The following PTPRD variants were observed in gnomAD, a reference collection of about 807,000 sequenced individuals.
PTPRD encodes the protein protein tyrosine phosphatase receptor type D, also known as receptor-type tyrosine-protein phosphatase delta.
PTPRD carries 34 observed loss-of-function variants against 214.5 expected under a neutral mutation model. That is an observed-to-expected ratio of 0.16 (90% confidence interval 0.12 to 0.21). The LOEUF (loss-of-function observed/expected upper bound fraction) is 0.21. Ranked by LOEUF, PTPRD falls within the 10% of genes least tolerant of loss-of-function variation. The probability of loss-of-function intolerance (pLI) is 1.00; values close to 1 mark genes in which losing one functional copy is unlikely to be tolerated. For synonymous variants in PTPRD, 1,128 were observed against 845.7 expected, an observed-to-expected ratio of 1.33 and a Z score of -5.79; for missense variants, 2,545 against 2,398.7, an observed-to-expected ratio of 1.06 and a Z score of -1.27.
chr9:10,229,069 G>C (rs1246478035), intron 3 of PTPRD, among the ~76,000 whole-genome samples: 1 of 151,950 alleles, frequency 6.6e-6, no homozygotes, highest in Non-Finnish European at 1.5e-5. Flanking sequence ...TGTGATATAA[G>C]ACATTTATGC....
intron 7 of PTPRD, among the ~76,000 whole-genome samples, chr9:9,621,314 C>G (rs1419669624): frequency 6.6e-6 from 1 of 152,118 alleles, no homozygotes; most frequent in Non-Finnish European, 1.5e-5. Context: ...TCCCATTTTT[C>G]TCTTCCTGAA....
At chr9:8,478,885 T>G (rs965785863) in intron 30 of PTPRD, among the ~76,000 whole-genome samples, 2 of 152,204 alleles carry the variant, frequency 1.3e-5, no homozygotes, top group African/African-American at 4.8e-5. Context: ...GACCTCCTCA[T>G]TAACTTGGCC....
At chr9:9,950,767 A>AAAG (rs2093378982) in intron 4 of PTPRD, among the ~76,000 whole-genome samples, 1 of 144,938 alleles carries the variant, frequency 6.9e-6, no homozygotes, top group Non-Finnish European at 1.5e-5. Context: ...AAAAGAAGAA[A>AAAG]GTGGAAGATC....
chr9:10,567,965 A>T (rs1471026833), intron 2 of PTPRD, among the ~76,000 whole-genome samples: 1 of 148,942 alleles, frequency 6.7e-6, no homozygotes, highest in Admixed American at 6.7e-5. Flanking sequence ...GTTATTTTTT[A>T]AAATTTTATT....
At chr9:9,948,656 A>T (rs143124498) in intron 4 of PTPRD, among the ~76,000 whole-genome samples, 121 of 152,210 alleles carry the variant, frequency 7.9e-4, no homozygotes, top group African/African-American at 2.7e-3. Flanking sequence ...AGTATGCAAT[A>T]CTTAGCCAAA....
chr9:9,968,526 A>G (rs1248570485), intron 4 of PTPRD, among the ~76,000 whole-genome samples: 2 of 152,200 alleles, frequency 1.3e-5, no homozygotes, highest in Non-Finnish European at 2.9e-5. Context: ...TAATCTTGAC[A>G]TAGTGGTCCA....
At chr9:10,060,450 T>A (rs1298376549) in intron 3 of PTPRD, among the ~76,000 whole-genome samples, 1 of 152,054 alleles carries the variant, frequency 6.6e-6, no homozygotes, top group South Asian at 2.1e-4. Context: ...TAAATATAGG[T>A]CAGCTCATGT....
At chr9:8,494,633 G>A (rs954668653) in intron 26 of PTPRD, among the ~76,000 whole-genome samples, 1 of 152,160 alleles carries the variant, frequency 6.6e-6, no homozygotes, top group Admixed American at 6.5e-5. Flanking sequence ...AAATTTTGTA[G>A]CAAGAAATTA....
intron 4 of PTPRD, among the ~76,000 whole-genome samples, chr9:10,012,339 C>T (rs1189572808): frequency 6.6e-6 from 1 of 151,618 alleles, no homozygotes; most frequent in Admixed American, 6.6e-5. Context: ...AAAAAATTAG[C>T]TAAAAAAGTG....
At chr9:9,265,869 G>A (rs889120258) in intron 9 of PTPRD, among the ~76,000 whole-genome samples, 15 of 151,406 alleles carry the variant, frequency 9.9e-5, no homozygotes, top group African/African-American at 3.4e-4. Context: ...AATGGAAACA[G>A]TAAGTTCTTA....
chr9:8,880,384 T>A (rs2098435300), intron 11 of PTPRD, among the ~76,000 whole-genome samples: 1 of 152,204 alleles, frequency 6.6e-6, no homozygotes, highest in South Asian at 2.1e-4. Flanking sequence ...CCTGTGGATA[T>A]CTACAGGCAC....
chr9:9,716,089 T>G lies in PTPRD; in HGVS notation c.-287+18444A>C, dbSNP rs534429473. Among the ~76,000 whole-genome samples, 10 of 150,182 alleles carry G rather than the reference T, an allele frequency of 6.7e-5. No homozygotes were observed. The South Asian group carries it at 2.1e-3, about 32-fold the overall frequency. On this transcript the variant is annotated intron_variant, in intron 7 of 45. Coordinates refer to ENST00000381196, the MANE Select transcript of PTPRD (RefSeq NM_002839.4). ...TCATTGTTCAGTTCCCACCTATGAG[T>G]GAGAATATGCGGTGTTTGGTTTTTT...
intron 6 of PTPRD, among the ~76,000 whole-genome samples, chr9:9,765,570 T>C (rs944914422): frequency 6.6e-6 from 1 of 152,220 alleles, no homozygotes. Flanking sequence ...TTGTCAGACA[T>C]TGTGAATCTA....
intron 8 of PTPRD, among the ~76,000 whole-genome samples, chr9:9,551,860 G>A (rs1195273113): frequency 6.6e-6 from 1 of 151,692 alleles, no homozygotes; most frequent in African/African-American, 2.4e-5. Context: ...TCCCCAAAAG[G>A]AAAATGTGGA....
At chr9:9,140,647 C>A (rs1444186624) in intron 10 of PTPRD, among the ~76,000 whole-genome samples, 1 of 152,206 alleles carries the variant, frequency 6.6e-6, no homozygotes, top group Non-Finnish European at 1.5e-5. Context: ...GGCGCGATCT[C>A]GGCTCACTGC....
chr9:9,714,834 C>G (rs1200786613), intron 7 of PTPRD, among the ~76,000 whole-genome samples: 1 of 152,064 alleles, frequency 6.6e-6, no homozygotes, highest in Non-Finnish European at 1.5e-5. Flanking sequence ...AGGGTAGATG[C>G]TCAATATTCC....
At chr9:10,410,270 T>TATATACACAC (rs532202941) in intron 2 of PTPRD, among the ~76,000 whole-genome samples, 53 of 139,844 alleles carry the variant, frequency 3.8e-4, no homozygotes, top group African/African-American at 1.3e-3. Context: ...TATATATATA[T>TATATACACAC]ACACACACAC....
At chr9:9,456,678 A>T (rs75546040) in intron 8 of PTPRD, among the ~76,000 whole-genome samples, 2,556 of 151,988 alleles carry the variant, frequency 0.017, 57 homozygotes, top group African/African-American at 0.057. Flanking sequence ...TTTCATACAT[A>T]TCTGTATTTT....
intron 14 of PTPRD, among the ~76,000 whole-genome samples, chr9:8,545,093 T>C (rs971947551): frequency 2.0e-5 from 3 of 152,226 alleles, no homozygotes; most frequent in African/African-American, 4.8e-5. Flanking sequence ...TAAATGTTTA[T>C]CTTGGTTGTG....
Sources: allele counts gnomAD v4.1 joint callset (sites outside exome capture counted in the v4.1 genomes callset), GRCh38; gene constraint gnomAD v4.1.1; transcripts MANE v1.5; gene names NCBI Gene and HGNC (gene_info 2026-07-23, HGNC 2026-07-21).